STK24: variants seen among roughly 807,000 people sequenced by gnomAD.
STK24 encodes the protein serine/threonine-protein kinase 24.
A neutral mutation model predicts 55.6 loss-of-function variants in STK24; 21 were observed. The ratio of observed to expected loss-of-function variants is 0.38; its 90% CI spans 0.27 to 0.54. The LOEUF (loss-of-function observed/expected upper bound fraction) is 0.54. Among genes scored for constraint, STK24 ranks in the 20% least tolerant of loss-of-function variants. The pLI is 0.79. For synonymous variants in STK24, 200 were observed against 215.2 expected (o/e 0.93, Z 0.62); for missense variants, 383 against 538.4 (o/e 0.71, Z 2.86).
At chr13:98,471,581 C>T (rs1233292865) in intron 5 of STK24, among the ~76,000 whole-genome samples, 6 of 152,146 alleles carry the variant, frequency 3.9e-5, no homozygotes, top group African/African-American at 1.4e-4. Context: ...GCAATCAGGA[C>T]TTAGTAATGT....
At position 98,475,378 on chromosome 13, in the gene STK24, C is replaced by A. The variant is rs1894328955; in HGVS notation, c.331-20G>T. On this transcript the variant is annotated intron_variant, in intron 3 of 10. Coordinates refer to ENST00000539966, the MANE Select transcript of STK24 (RefSeq NM_001032296.4). ...TTCTAACTAAGAAGAGAAAAAAATT[C>A]TTAAAGTTACTTAAATGATTATCTT... 6.7e-7 allele frequency: 1 copy of A among 1,494,016 alleles called. No individual in the cohort carries two copies. The highest frequency in any genetic ancestry group is 1.4e-5 in the African/African-American group (1 of 71,206). 92.5% of individuals were successfully genotyped at this position (1,494,016 alleles called of 1,614,324 possible).
intron 2 of STK24, among the ~76,000 whole-genome samples, chr13:98,511,612 G>C (rs752170572): frequency 6.6e-6 from 1 of 152,144 alleles, no homozygotes; most frequent in South Asian, 2.1e-4. Context: ...CAGTAAAAAG[G>C]AACAAACAAG....
chr13:98,487,476 C>T (rs572875307), intron 2 of STK24, among the ~76,000 whole-genome samples: 31 of 152,210 alleles, frequency 2.0e-4, no homozygotes, highest in African/African-American at 7.2e-4. Context: ...AGTCTCCCTC[C>T]CACCCTGGGC....
rs527538145 is a variant in STK24 at position 98,461,458 on chromosome 13, A to G, written c.1053+316T>C. Among the ~76,000 whole-genome samples the G allele has an allele frequency of 8.5e-5, 13 of 152,374 alleles. No individual in the cohort carries two copies. In the South Asian group the frequency reaches 2.7e-3, roughly 32 times the overall value. On this transcript the variant is annotated intron_variant, in intron 8 of 10. Transcript: ENST00000539966. The stretch of plus-strand genomic sequence containing the variant: ...ACCGCAACATGCACAACAGTCCCTC[A>G]GAGCTATGAAGTCATTTCACGGGTC...
chr13:98,492,127 C>T (rs1334828960), intron 2 of STK24, among the ~76,000 whole-genome samples: 13 of 151,444 alleles, frequency 8.6e-5, no homozygotes, highest in Admixed American at 5.9e-4. Flanking sequence ...ATCAACAGAT[C>T]GCAAGAGGCT....
At chr13:98,511,546 C>G (rs1265721554) in intron 2 of STK24, among the ~76,000 whole-genome samples, 1 of 152,234 alleles carries the variant, frequency 6.6e-6, no homozygotes, top group Non-Finnish European at 1.5e-5. Flanking sequence ...TCTGGAAACA[C>G]CCACATGTCC....
Position 98,445,280 on chromosome 13 carries a change from C to G in STK24, c.*7893G>C, listed in dbSNP as rs374716175. The stretch of plus-strand genomic sequence containing the variant: ...GGGAACAATTCAGTGGCATTAAGTG[C>G]CTTTACAAGGTGGTGCAACTGCTTT... On this transcript the variant is annotated 3_prime_UTR_variant, in exon 11 of 11. Transcript: ENST00000539966. 23 of 152,354 alleles carry G rather than the reference C, an allele frequency of 1.5e-4. No homozygotes were observed. Among genetic ancestry groups the G allele is most frequent in the African/African-American group, 5.5e-4 (23 of 41,568 alleles). The allele number at this position is 152,354 out of a possible 1,614,324, so 9.4% of individuals were successfully genotyped here. A position where few individuals can be genotyped will look rare whatever the true frequency, so the allele number is the denominator to read the frequency against.
intron 1 of STK24, among the ~76,000 whole-genome samples, chr13:98,534,364 T>C (rs1321214238): frequency 6.6e-6 from 1 of 152,198 alleles, no homozygotes; most frequent in East Asian, 1.9e-4. Flanking sequence ...CTCCAAGCTG[T>C]CCTTTTCATT....
At chr13:98,455,870 G>A (rs373334631) in intron 10 of STK24, 54 of 152,354 alleles carry the variant, frequency 3.5e-4, no homozygotes, top group African/African-American at 1.3e-3. Flanking sequence ...TTCTGGTTTT[G>A]TTCTATTTGT....
chr13:98,504,588 G>A (rs952491230), intron 2 of STK24, among the ~76,000 whole-genome samples: 1 of 152,218 alleles, frequency 6.6e-6, no homozygotes, highest in African/African-American at 2.4e-5. Flanking sequence ...GTGGTTCATG[G>A]TGAGAATGAA....
In STK24 at chr13:98,446,819, T is replaced by C. The variant is rs1439301141; in HGVS notation, c.*6354A>G. Reference sequence around the variant, plus strand: ...GGAAAGCGAGTACACGTTCGAAAGGTAGACACCCCCTTCCCACGCACAGGG... The same window carrying C: ...GGAAAGCGAGTACACGTTCGAAAGGCAGACACCCCCTTCCCACGCACAGGG... On this transcript the variant is annotated 3_prime_UTR_variant, in exon 11 of 11. Coordinates refer to ENST00000539966, the MANE Select transcript of STK24 (RefSeq NM_001032296.4). 1.2e-6 allele frequency: 2 copies of C among 1,613,842 alleles called. No individual in the cohort carries two copies. The highest frequency in any genetic ancestry group is 1.7e-5 in the Admixed American group (1 of 59,992).
In STK24 at chr13:98,563,584, C is replaced by T. The variant is rs149988049; in HGVS notation, c.42+13161G>A. Among the ~76,000 whole-genome samples the T allele has an allele frequency of 5.3e-4, 81 of 152,234 alleles. 3 individuals carry two copies. The East Asian group carries it at 0.015, about 28-fold the overall frequency. On this transcript the variant is annotated intron_variant, in intron 1 of 10. Transcript: ENST00000539966. ...GTATAAAACACATTTCCAGGCTGGG[C>T]GTGGTGGCTCACGCCTGTAATCCCA...
intron 3 of STK24, among the ~76,000 whole-genome samples, chr13:98,477,397 C>T (rs557977742): frequency 2.0e-5 from 3 of 152,254 alleles, no homozygotes; most frequent in East Asian, 3.9e-4. Flanking sequence ...AGAGGCCAGG[C>T]GCGGTGGCTC....
intron 7 of STK24, among the ~76,000 whole-genome samples, chr13:98,462,163 A>G (rs1272376733): frequency 2.0e-5 from 3 of 151,872 alleles, no homozygotes; most frequent in Non-Finnish European, 4.4e-5. Context: ...CTCCTCCCGG[A>G]GAACACCTCC....
At chr13:98,508,134 A>G (rs1229412784) in intron 2 of STK24, among the ~76,000 whole-genome samples, 1 of 152,184 alleles carries the variant, frequency 6.6e-6, no homozygotes, top group Non-Finnish European at 1.5e-5. Context: ...TCAAATACTA[A>G]AATATGAAAG....
intron 1 of STK24, among the ~76,000 whole-genome samples, chr13:98,551,496 T>C (rs1423100209): frequency 2.0e-5 from 3 of 151,894 alleles, no homozygotes. Context: ...AACTAAATCT[T>C]TCTATCACGG....
In STK24 at chr13:98,539,971, C is replaced by A. The variant is rs1233127421; in HGVS notation, c.43-20498G>T. On this transcript the variant is annotated intron_variant, in intron 1 of 10. Coordinates refer to ENST00000539966, the MANE Select transcript of STK24 (RefSeq NM_001032296.4). ...CCAGTGCAAACGGCCTAAATGTCCA[C>A]CAGCTGGAGAGTAAACAGACAACAA... is the stretch of plus-strand genomic sequence containing the variant. Among the ~76,000 whole-genome samples, 3 of 152,180 alleles carry A rather than the reference C, an allele frequency of 2.0e-5. No homozygotes were observed. In the South Asian group the frequency reaches 6.2e-4, roughly 32 times the overall value.
chr13:98,522,523 T>C (rs185433633), intron 1 of STK24, among the ~76,000 whole-genome samples: 1 of 152,342 alleles, frequency 6.6e-6, no homozygotes, highest in East Asian at 1.9e-4. Context: ...TTCAAAGCGC[T>C]AGCTCAGGCC....
At chr13:98,538,521 T>C (rs1357953765) in intron 1 of STK24, among the ~76,000 whole-genome samples, 2 of 151,858 alleles carry the variant, frequency 1.3e-5, no homozygotes, top group East Asian at 3.9e-4. Flanking sequence ...CACCGCGGCT[T>C]GGTGCCTATT....
Sources: allele counts gnomAD v4.1 joint callset (sites outside exome capture counted in the v4.1 genomes callset), GRCh38; gene constraint gnomAD v4.1.1; transcripts MANE v1.5; gene names NCBI Gene and HGNC (gene_info 2026-07-23, HGNC 2026-07-21).